ATP11A: variants seen among roughly 807,000 people sequenced by gnomAD.
ATP11A encodes the protein phospholipid-transporting ATPase IH.
In ATP11A, 81 loss-of-function variants were observed where a neutral mutation model predicts 154.4. The ratio of observed to expected loss-of-function variants is 0.52; its 90% CI spans 0.44 to 0.63. The LOEUF (loss-of-function observed/expected upper bound fraction) is 0.63, where lower values mean the gene tolerates loss of function less well. Among genes scored for constraint, ATP11A ranks in the 30% least tolerant of loss-of-function variants. The pLI is 0.00. For synonymous variants in ATP11A, 623 were observed against 585.9 expected (o/e 1.06, Z -0.91); for missense variants, 1,316 against 1,474.3 (o/e 0.89, Z 1.76).
chr13:112,871,604 G>A (rs1566599310), intron 25 of ATP11A, 131 bp from the exon 26 acceptor site: 1 of 819,380 alleles, frequency 1.2e-6, no homozygotes, highest in South Asian at 1.5e-5. Flanking sequence ...AGAAAATATA[G>A]TGCTTATATC....
intron 16 of ATP11A, among the ~76,000 whole-genome samples, chr13:112,841,804 C>T (rs1478936614): frequency 6.6e-6 from 1 of 152,236 alleles, no homozygotes; most frequent in Non-Finnish European, 1.5e-5. Context: ...TGTTACTGGA[C>T]GTGTGGGAAA....
At chr13:112,843,109 G>A (rs988891764) in intron 17 of ATP11A, among the ~76,000 whole-genome samples, 3 of 150,058 alleles carry the variant, frequency 2.0e-5, no homozygotes, top group Non-Finnish European at 4.4e-5. Context: ...TCCTAACGCC[G>A]AGCGACGCAT....
At position 112,726,043 on chromosome 13, in the gene ATP11A, C is replaced by T. The variant is rs538864397; in HGVS notation, c.39+35588C>T. On this transcript the variant is annotated intron_variant, in intron 1 of 29. Transcript: ENST00000375645. ...TTTTCACCGACTCTGCTTCTGTAAA[C>T]GCAGCTGGTGTCTAGGGAGTCACAA... 8.7e-4 allele frequency among the ~76,000 whole-genome samples: 133 copies of T among 152,386 alleles called. 1 individual carries two copies. The highest frequency in any genetic ancestry group is 3.1e-3 in the African/African-American group (129 of 41,596).
chr13:112,826,950 C>T (rs1156534251), intron 12 of ATP11A, 59 bp downstream of exon 12: 23 of 1,566,680 alleles, frequency 1.5e-5, no homozygotes, highest in African/African-American at 8.1e-5. Context: ...GTCTGCTTCA[C>T]GTTCCTCAGG....
At chr13:112,826,181 C>G (rs1481840820) in intron 11 of ATP11A, among the ~76,000 whole-genome samples, 1 of 152,180 alleles carries the variant, frequency 6.6e-6, no homozygotes, top group Non-Finnish European at 1.5e-5. Flanking sequence ...GTGTGCAAAC[C>G]CAGACCTGTG....
chr13:112,822,797 TTCACA>T (rs2078832848), intron 8 of ATP11A, among the ~76,000 whole-genome samples: 1 of 152,108 alleles, frequency 6.6e-6, no homozygotes, highest in South Asian at 2.1e-4. Flanking sequence ...TTTATTTTAT[TTCACA>T]TCCACCCCTC....
At chr13:112,778,339 C>T (rs1010266967) in intron 1 of ATP11A, among the ~76,000 whole-genome samples, 3 of 152,236 alleles carry the variant, frequency 2.0e-5, no homozygotes, top group Non-Finnish European at 4.4e-5. Flanking sequence ...CACACTCCAG[C>T]TCCCATGCAG....
At chr13:112,826,006 C>T (rs569549732) in intron 11 of ATP11A, among the ~76,000 whole-genome samples, 6 of 152,140 alleles carry the variant, frequency 3.9e-5, no homozygotes, top group African/African-American at 1.4e-4. Context: ...TGTGCAAACC[C>T]AGACCTGTGT....
intron 1 of ATP11A, among the ~76,000 whole-genome samples, chr13:112,732,600 C>T (rs1279335268): frequency 6.6e-6 from 1 of 152,128 alleles, no homozygotes; most frequent in East Asian, 1.9e-4. Flanking sequence ...CCATATCTGC[C>T]TCTAGTTTGT....
At chr13:112,880,439 T>C (rs1232483379) in intron 29 of ATP11A, 1 of 1,001,394 alleles carries the variant, frequency 1.0e-6, no homozygotes, top group South Asian at 1.8e-5. Context: ...AACAGGGGCT[T>C]CGAGCCTCTT....
intron 1 of ATP11A, among the ~76,000 whole-genome samples, chr13:112,769,946 C>T (rs2077187316): frequency 6.6e-6 from 1 of 152,162 alleles, no homozygotes; most frequent in Non-Finnish European, 1.5e-5. Context: ...GTACTCCTGT[C>T]GAAAATGGAG....
Position 112,862,481 on chromosome 13 carries a change from T to C in ATP11A, c.2897T>C (p.Ile966Thr). The C allele has an allele frequency of 6.2e-7, 1 of 1,614,172 alleles. No individual in the cohort carries two copies. The highest frequency in any genetic ancestry group is 8.5e-7 in the Non-Finnish European group (1 of 1,180,018). The change falls in exon 25 of 30, where the codon ATC becomes ACC. Residue 966 changes from isoleucine to threonine, a missense_variant. Ile to Thr is a moderately conservative substitution (Grantham distance 89, BLOSUM62 -1). Around this residue, in one of 5 missense-constraint regions of ATP11A, gnomAD observed 294 missense variants for 290.2 expected, o/e 1.01. Transcript: ENST00000375645. Reference sequence around the variant, plus strand: ...GCCCTGCTGCGCTGGCGCGTGTTCATCTACTGGACGCTCCTGGGACTGTTT... The same window carrying C: ...GCCCTGCTGCGCTGGCGCGTGTTCACCTACTGGACGCTCCTGGGACTGTTT... ...KNALLRWRVF[I>T]YWTLLGLFDA...
At chr13:112,718,613 G>C (rs1161116073) in intron 1 of ATP11A, among the ~76,000 whole-genome samples, 1 of 152,042 alleles carries the variant, frequency 6.6e-6, no homozygotes, top group Non-Finnish European at 1.5e-5. Context: ...ATTGTCACTG[G>C]GTCCTGGATC....
rs767116237 is a variant in ATP11A at position 112,878,207 on chromosome 13, C to G, written c.3328-10C>G. On this transcript the variant is annotated splice_polypyrimidine_tract_variant and intron_variant, in intron 28 of 29. Coordinates refer to ENST00000375645, the MANE Select transcript of ATP11A (RefSeq NM_015205.3). ...CCCCTGTGTGCGTGGCCGCTGACCTCGGGACTAAGACTAAGAGCCAGTGCC... is the reference window on the plus strand; with the variant it reads ...CCCCTGTGTGCGTGGCCGCTGACCTGGGGACTAAGACTAAGAGCCAGTGCC... 8.1e-6 allele frequency: 13 copies of G among 1,613,906 alleles called. No individual in the cohort carries two copies. The highest frequency in any genetic ancestry group is 1.0e-5 in the Non-Finnish European group (12 of 1,179,886).
chr13:112,799,885 A>C (rs2163995), intron 2 of ATP11A, among the ~76,000 whole-genome samples: 2,024 of 152,342 alleles, frequency 0.013, 41 homozygotes, highest in African/African-American at 0.044. Flanking sequence ...AATAAATAAC[A>C]AAGTTAACTG....
chr13:112,849,857 G>A (rs186735301), intron 17 of ATP11A, among the ~76,000 whole-genome samples: 158 of 152,310 alleles, frequency 1.0e-3, no homozygotes, highest in African/African-American at 3.3e-3. Flanking sequence ...GCTGAGCAGC[G>A]TCTGTTCAGT....
At chr13:112,815,052 G>A (rs1389776677) in intron 5 of ATP11A, among the ~76,000 whole-genome samples, 1 of 152,188 alleles carries the variant, frequency 6.6e-6, no homozygotes, top group Middle Eastern at 3.2e-3. Context: ...GTGACGCCCT[G>A]ATCCTGGCAT....
Position 112,754,205 on chromosome 13 carries a change from C to G in ATP11A, c.40-30930C>G, listed in dbSNP as rs1426836177. 2.0e-5 allele frequency among the ~76,000 whole-genome samples: 3 copies of G among 152,214 alleles called. No individual in the cohort carries two copies. Among genetic ancestry groups the G allele is most frequent in the Non-Finnish European group, 4.4e-5 (3 of 68,028 alleles). ...GGGGTCTGGGAAATTCGTTTTCTCG[C>G]AGAAGGCAGAGAAGGCCGTGGAATA... is the stretch of plus-strand genomic sequence containing the variant. On this transcript the variant is annotated intron_variant, in intron 1 of 29. Transcript: ENST00000375645. The surrounding 1 kb of genome is among the most constrained non-coding windows in gnomAD (Gnocchi z 5.3).
intron 8 of ATP11A, among the ~76,000 whole-genome samples, chr13:112,820,926 G>A (rs1350319160): frequency 6.6e-6 from 1 of 152,204 alleles, no homozygotes; most frequent in Non-Finnish European, 1.5e-5. Flanking sequence ...TTAGCTCCTT[G>A]TAAGTCTCCA....
Sources: allele counts gnomAD v4.1 joint callset (sites outside exome capture counted in the v4.1 genomes callset), GRCh38; gene constraint gnomAD v4.1.1; regional missense constraint gnomAD v4.1.1; non-coding constraint Gnocchi (gnomAD v3.1); transcripts MANE v1.5; gene names NCBI Gene and HGNC (gene_info 2026-07-23, HGNC 2026-07-21).